Variants in AAK1 observed in about 807,000 individuals in gnomAD.
AAK1 encodes AP2 associated kinase 1, also known as AP2-associated protein kinase 1.
Under a neutral mutation model 116.0 loss-of-function variants are expected in AAK1, and 37 were observed. The ratio of observed to expected loss-of-function variants is 0.32; its 90% confidence interval spans 0.25 to 0.42. The LOEUF is 0.42. Ranked by LOEUF, AAK1 falls within the 10% of genes least tolerant of loss-of-function variation. The probability of loss-of-function intolerance (pLI) is 1.00; values close to 1 mark genes in which losing one functional copy is unlikely to be tolerated. For synonymous variants in AAK1, 458 were observed against 439.9 expected (o/e 1.04, Z -0.51); for missense variants, 919 against 1,170.6 (o/e 0.79, Z 3.14).
intron 2 of AAK1, among the ~76,000 whole-genome samples, chr2:69,600,340 A>G (rs1673519026): frequency 6.6e-6 from 1 of 151,856 alleles, no homozygotes; most frequent in South Asian, 2.1e-4. Flanking sequence ...AAAGAGGAAA[A>G]AAGGAAAAAG....
At chr2:69,521,917 A>G (rs539805197) in intron 10 of AAK1, among the ~76,000 whole-genome samples, 55 of 152,266 alleles carry the variant, frequency 3.6e-4, no homozygotes, top group Non-Finnish European at 5.3e-4. Context: ...CATGGAGCAG[A>G]ACTGCCATGC....
intron 2 of AAK1, among the ~76,000 whole-genome samples, chr2:69,613,710 C>T (rs1674194130): frequency 1.3e-5 from 2 of 152,202 alleles, no homozygotes; most frequent in Admixed American, 1.3e-4. Flanking sequence ...GTGGCATGCC[C>T]AGAGAGGGCA....
chr2:69,500,692 T>TAC (rs1344927946), intron 16 of AAK1, among the ~76,000 whole-genome samples: 45 of 113,430 alleles, frequency 4.0e-4, no homozygotes, highest in African/African-American at 1.7e-3. Flanking sequence ...TATATATATA[T>TAC]ATATATACAC....
intron 2 of AAK1, among the ~76,000 whole-genome samples, chr2:69,570,647 C>T (rs1172630627): frequency 6.6e-6 from 1 of 152,092 alleles, no homozygotes; most frequent in Non-Finnish European, 1.5e-5. Context: ...AGGAGAGCTT[C>T]TTATTTATCT....
At position 69,474,112 on chromosome 2, in the gene AAK1, T is replaced by C; in HGVS notation, c.*1757A>G. ...TTTTCCTCCAATGCCTTTCAAAGGC[T>C]ACTCGCACATTCCTAGGGTCAAACC... On this transcript the variant is annotated 3_prime_UTR_variant, in exon 22 of 22. Coordinates refer to ENST00000409085, the MANE Select transcript of AAK1 (RefSeq NM_014911.5). 1 of 985,912 alleles carries C rather than the reference T, an allele frequency of 1.0e-6. No individual in the cohort carries two copies. The highest frequency in any genetic ancestry group is 1.2e-6 in the Non-Finnish European group (1 of 829,948). 61.1% of individuals were successfully genotyped at this position (985,912 alleles called of 1,614,324 possible). A position where few individuals can be genotyped will look rare whatever the true frequency, so the allele number is the denominator to read the frequency against.
At position 69,468,578 on chromosome 2, in the gene AAK1, C is replaced by T. The variant is rs780056866; in HGVS notation, c.*7291G>A. On this transcript the variant is annotated 3_prime_UTR_variant, in exon 22 of 22. Transcript: ENST00000409085. ...ATGGAAAACTTAGTCAAGCCAGTGACCAACTCTGGCATCATACAGGTCAAT... is the reference window on the plus strand; with the variant it reads ...ATGGAAAACTTAGTCAAGCCAGTGATCAACTCTGGCATCATACAGGTCAAT... The T allele has an allele frequency of 5.4e-5, 53 of 985,256 alleles. No homozygotes were observed. Among genetic ancestry groups the T allele is most frequent in the Non-Finnish European group, 4.3e-5 (36 of 829,922 alleles). The allele number at this position is 985,256 out of a possible 1,614,324, so 61.0% of individuals were successfully genotyped here.
chr2:69,465,332 T>C lies in AAK1; in HGVS notation c.*10537A>G, dbSNP rs1674451557. ...CAGGGAATTGAAATATAAGAACTGA[T>C]AATATTTCTTCTTCAGAAGGCTAAG... On this transcript the variant is annotated 3_prime_UTR_variant, in exon 22 of 22. Transcript: ENST00000409085. 1 of 1,098,658 alleles carries C rather than the reference T, an allele frequency of 9.1e-7. No homozygotes were observed. Among genetic ancestry groups the C allele is most frequent in the Non-Finnish European group, 1.2e-6 (1 of 857,888 alleles). 68.1% of individuals were successfully genotyped at this position (1,098,658 alleles called of 1,614,324 possible).
At chr2:69,500,698 T>TATATATATATACACACAC in intron 16 of AAK1, among the ~76,000 whole-genome samples, 3 of 65,102 alleles carry the variant, frequency 4.6e-5, no homozygotes, top group Non-Finnish European at 7.8e-5. Flanking sequence ...TATATATATA[T>TATATATATATACACACAC]ACACACACAC....
At chr2:69,523,137 T>C (rs920322652) in intron 10 of AAK1, among the ~76,000 whole-genome samples, 1 of 152,212 alleles carries the variant, frequency 6.6e-6, no homozygotes, top group African/African-American at 2.4e-5. Flanking sequence ...GTCCAAAATA[T>C]TAGTTTGTAT....
At chr2:69,500,252 T>A (rs1168208489) in intron 16 of AAK1, 2 of 152,188 alleles carry the variant, frequency 1.3e-5, no homozygotes, top group African/African-American at 4.8e-5. Flanking sequence ...TAGATGTAAT[T>A]TTCTTTCATT....
intron 16 of AAK1, among the ~76,000 whole-genome samples, chr2:69,503,125 G>C (rs1430308350): frequency 6.6e-6 from 1 of 152,066 alleles, no homozygotes; most frequent in Non-Finnish European, 1.5e-5. Flanking sequence ...AACATAACCT[G>C]AGTAACTTTT....
intron 16 of AAK1, among the ~76,000 whole-genome samples, chr2:69,501,394 T>A (rs528088560): frequency 6.6e-6 from 1 of 152,178 alleles, no homozygotes; most frequent in South Asian, 2.1e-4. Flanking sequence ...TTTTTTTTTT[T>A]ACTAGGGAAA....
At position 69,469,628 on chromosome 2, in the gene AAK1, G is replaced by T. The variant is rs867407439; in HGVS notation, c.*6241C>A. 2.0e-6 allele frequency: 2 copies of T among 985,326 alleles called. No individual in the cohort carries two copies. The highest frequency in any genetic ancestry group is 1.2e-6 in the Non-Finnish European group (1 of 829,952). The allele number at this position is 985,326 out of a possible 1,614,324, so 61.0% of individuals were successfully genotyped here. A position where few individuals can be genotyped will look rare whatever the true frequency, so the allele number is the denominator to read the frequency against. ...TAGAGCTCAGTAAACACTGCCTGTT[G>T]TACCTCAGGGGCTAAAGCCCAGGGC... On this transcript the variant is annotated 3_prime_UTR_variant, in exon 22 of 22. Transcript: ENST00000409085.
chr2:69,640,053 A>ACACACACACACTCT (rs1343518565), intron 2 of AAK1, among the ~76,000 whole-genome samples: 1 of 92,742 alleles, frequency 1.1e-5, no homozygotes, highest in African/African-American at 4.9e-5. Context: ...ACACACACAC[A>ACACACACACACTCT]CTCTCTCTCT....
intron 10 of AAK1, among the ~76,000 whole-genome samples, chr2:69,521,242 G>A (rs187666944): frequency 1.3e-5 from 2 of 152,292 alleles, no homozygotes; most frequent in Non-Finnish European, 2.9e-5. Flanking sequence ...CTTTTCATGT[G>A]CGAATATGCA....
chr2:69,533,207 T>C (rs1003118506), intron 5 of AAK1, among the ~76,000 whole-genome samples: 6 of 152,324 alleles, frequency 3.9e-5, no homozygotes, highest in Non-Finnish European at 5.9e-5. Context: ...TCCTTAAAGA[T>C]AAGCATCTTC....
chr2:69,551,116 T>G (rs543811567), intron 3 of AAK1, among the ~76,000 whole-genome samples: 2 of 152,138 alleles, frequency 1.3e-5, no homozygotes, highest in South Asian at 2.1e-4. Context: ...ACACCCCAAC[T>G]TTCTTACACA....
intron 2 of AAK1, among the ~76,000 whole-genome samples, chr2:69,622,504 C>A (rs957026480): frequency 7.9e-5 from 12 of 152,226 alleles, no homozygotes; most frequent in Admixed American, 5.9e-4. Flanking sequence ...GCTGGGCTCC[C>A]GAGTCTAGTG....
intron 3 of AAK1, among the ~76,000 whole-genome samples, chr2:69,547,593 A>G (rs540840766): frequency 6.6e-6 from 1 of 152,344 alleles, no homozygotes; most frequent in East Asian, 1.9e-4. Context: ...GATGGCTATA[A>G]TAAAAAACAA....
Sources: gnomAD v4.1 joint callset for allele counts (sites outside exome capture counted in the v4.1 genomes callset) on GRCh38, gnomAD v4.1.1 for gene constraint, MANE v1.5 for transcripts, NCBI Gene and HGNC (gene_info 2026-07-23, HGNC 2026-07-21) for gene names.